Variants in BPTF observed in about 807,000 individuals in gnomAD.
The protein encoded by BPTF is nucleosome-remodeling factor subunit BPTF.
Under a neutral mutation model 292.5 loss-of-function variants are expected in BPTF, and 18 were observed. The ratio of observed to expected loss-of-function variants is 0.06; its 90% confidence interval spans 0.04 to 0.09. The LOEUF (loss-of-function observed/expected upper bound fraction) is 0.09, where lower values mean the gene tolerates loss of function less well. Ranked by LOEUF, BPTF falls within the 10% of genes least tolerant of loss-of-function variation. BPTF has a pLI of 1.00. For missense variants in BPTF, 2,726 were observed against 3,498.7 expected, an observed-to-expected ratio of 0.78 and a Z score of 5.57; for synonymous variants, 1,225 against 1,251.9, an observed-to-expected ratio of 0.98 and a Z score of 0.45.
intron 4 of BPTF, chr17:67,875,889 C>G: frequency 1.6e-6 from 1 of 627,242 alleles, no homozygotes; most frequent in East Asian, 3.4e-5. Flanking sequence ...TAAATTGTCA[C>G]CTAACATTTG....
intron 1 of BPTF, among the ~76,000 whole-genome samples, chr17:67,838,659 T>C (rs1004984533): frequency 3.9e-5 from 6 of 152,158 alleles, no homozygotes; most frequent in African/African-American, 1.4e-4. Flanking sequence ...TATATTTTTT[T>C]AGTAGAGACG....
intron 8 of BPTF, 112 bp from the exon 9 acceptor site, chr17:67,904,590 A>G: frequency 1.2e-6 from 1 of 824,268 alleles, no homozygotes. Context: ...ATGATTAGTA[A>G]ATTTCATTTG....
Position 67,948,341 on chromosome 17 carries a change from G to GT in BPTF, c.7926+38dup, listed in dbSNP as rs782119722. ...CACATCCTTTTCTTCTGTGTCCAGTGTTTAACATCTGAGGTTCTGCTTTTT... is the reference window on the plus strand; with the variant it reads ...CACATCCTTTTCTTCTGTGTCCAGTGTTTTAACATCTGAGGTTCTGCTTTTT... On this transcript the variant is annotated intron_variant, in intron 23 of 27. Coordinates refer to ENST00000306378, the MANE Select transcript of BPTF (RefSeq NM_182641.4). The GT allele has an allele frequency of 5.2e-5, 81 of 1,544,596 alleles. 1 individual carries two copies. Among genetic ancestry groups the GT allele is most frequent in the Non-Finnish European group, 6.8e-5 (78 of 1,140,750 alleles).
At chr17:67,907,849 A>G (rs767204968) in intron 9 of BPTF, among the ~76,000 whole-genome samples, 1 of 152,216 alleles carries the variant, frequency 6.6e-6, no homozygotes, top group Admixed American at 6.5e-5. Flanking sequence ...TCTGATTCTC[A>G]GTCCATATTC....
At chr17:67,871,239 A>G (rs910433874) in intron 3 of BPTF, among the ~76,000 whole-genome samples, 23 of 152,036 alleles carry the variant, frequency 1.5e-4, no homozygotes, top group South Asian at 2.1e-4. Flanking sequence ...AGAATTATAC[A>G]GTTACCAGCC....
At chr17:67,925,866 G>C (rs1024916952) in intron 15 of BPTF, among the ~76,000 whole-genome samples, 1 of 151,794 alleles carries the variant, frequency 6.6e-6, no homozygotes, top group African/African-American at 2.4e-5. Flanking sequence ...TGGATTCTAT[G>C]TATGATGCTG....
chr17:67,891,900 G>A lies in BPTF; in HGVS notation c.1921G>A (p.Gly641Arg). The A allele has an allele frequency of 1.9e-6, 3 of 1,611,882 alleles. No individual in the cohort carries two copies. Among genetic ancestry groups the A allele is most frequent in the Non-Finnish European group, 2.5e-6 (3 of 1,179,196 alleles). ...GGAGCTAAGTGAATCTCCTGGAGCT[G>A]GAAAAGGAGCATCTGGCTCAACTCG... is the stretch of plus-strand genomic sequence containing the variant. ...NGELSESPGAGKGASGSTRII... is the reference protein window; with the variant it reads ...NGELSESPGARKGASGSTRII... Residue 641 changes from glycine (G) to arginine (R), a missense_variant, in exon 5 of 28, where the codon GGA becomes AGA. Gly to Arg is a moderately radical substitution (Grantham distance 125). Transcript: ENST00000306378.
chr17:67,849,575 A>T (rs555261244), intron 1 of BPTF, among the ~76,000 whole-genome samples: 2 of 152,276 alleles, frequency 1.3e-5, no homozygotes, highest in South Asian at 4.1e-4. Flanking sequence ...AAAATAACCT[A>T]TCAGGATATA....
chr17:67,900,719 G>A (rs1053298398), intron 7 of BPTF, among the ~76,000 whole-genome samples: 1 of 152,090 alleles, frequency 6.6e-6, no homozygotes, highest in Non-Finnish European at 1.5e-5. Flanking sequence ...AAAAGTTAAT[G>A]TGCAAGAATA....
chr17:67,970,197 C>T (rs1404472843), intron 26 of BPTF, among the ~76,000 whole-genome samples: 1 of 151,164 alleles, frequency 6.6e-6, no homozygotes, highest in Non-Finnish European at 1.5e-5. Flanking sequence ...CACGCCATTG[C>T]ACTCCTCCAG....
Position 67,911,776 on chromosome 17 carries a change from A to G in BPTF, c.3892A>G (p.Ile1298Val), listed in dbSNP as rs746903139. 3.7e-6 allele frequency: 6 copies of G among 1,614,102 alleles called. No homozygotes were observed. The Admixed American group carries it at 1.0e-4, about 27-fold the overall frequency. The change falls in exon 11 of 28, where the codon ATT becomes GTT. Residue 1298 changes from isoleucine to valine, a missense_variant. Physicochemically the swap from Ile to Val is conservative, Grantham distance 29. This residue lies in a region of BPTF where 713 missense variants were observed against 714.9 expected (regional missense o/e 1.00). Coordinates refer to ENST00000306378, the MANE Select transcript of BPTF (RefSeq NM_182641.4). ...TLENSSDTVS[I>V]QDSSEEDMIV... The stretch of plus-strand genomic sequence containing the variant: ...GGAAAATAGTTCTGATACCGTGTCT[A>G]TTCAGGATAGCAGTGAAGAAGATAT...
At chr17:67,877,053 A>G (rs2145805124) in intron 4 of BPTF, among the ~76,000 whole-genome samples, 1 of 152,326 alleles carries the variant, frequency 6.6e-6, no homozygotes, top group African/African-American at 2.4e-5. Flanking sequence ...ATGATCAAAC[A>G]TGAAAAGCAT....
chr17:67,970,907 G>C (rs2068684642), intron 26 of BPTF, among the ~76,000 whole-genome samples: 1 of 152,204 alleles, frequency 6.6e-6, no homozygotes, highest in East Asian at 1.9e-4. Context: ...GCCTGTACTT[G>C]TTTGTTCTAA....
chr17:67,935,508 A>C (rs2064840139), intron 18 of BPTF, among the ~76,000 whole-genome samples: 1 of 152,164 alleles, frequency 6.6e-6, no homozygotes, highest in African/African-American at 2.4e-5. Flanking sequence ...AAGACCAAAA[A>C]AATTAGACCA....
chr17:67,858,291 C>G (rs1325948226), intron 2 of BPTF, among the ~76,000 whole-genome samples: 1 of 152,222 alleles, frequency 6.6e-6, no homozygotes, highest in African/African-American at 2.4e-5. Flanking sequence ...ACCTCCCAAA[C>G]ATCTGGTCAT....
chr17:67,871,435 T>C (rs902631455), intron 3 of BPTF, among the ~76,000 whole-genome samples: 2 of 128,646 alleles, frequency 1.6e-5, no homozygotes. Flanking sequence ...AGTGAGACTT[T>C]GTCTCCAAAA....
chr17:67,981,528 CA>C, intron 27 of BPTF: 1 of 1,113,094 alleles, frequency 9.0e-7, no homozygotes, highest in Non-Finnish European at 1.1e-6. Flanking sequence ...TTACCTAATT[CA>C]AAATTGCCCC....
At chr17:67,947,690 T>C (rs782126276) in intron 21 of BPTF, 36 bp from the exon 22 acceptor site, 102 of 1,514,518 alleles carry the variant, frequency 6.7e-5, no homozygotes, top group Non-Finnish European at 9.0e-5. Flanking sequence ...GTGGTGATTA[T>C]AAAATATGCG....
intron 26 of BPTF, among the ~76,000 whole-genome samples, chr17:67,973,181 T>G (rs1483493807): frequency 1.3e-5 from 2 of 149,940 alleles, no homozygotes; most frequent in Admixed American, 6.7e-5. Context: ...GAGACCATCC[T>G]GGCTAACACG....
Sources: gnomAD v4.1 joint callset for allele counts (sites outside exome capture counted in the v4.1 genomes callset) on GRCh38, gnomAD v4.1.1 for gene constraint, gnomAD v4.1.1 regional missense constraint, MANE v1.5 for transcripts, NCBI Gene and HGNC (gene_info 2026-07-23, HGNC 2026-07-21) for gene names.